CCDC125: variants seen among roughly 807,000 people sequenced by gnomAD.
CCDC125 encodes the protein coiled-coil domain-containing protein 125.
A neutral mutation model predicts 57.4 loss-of-function variants in CCDC125; 43 were observed. The ratio of observed to expected loss-of-function variants is 0.75; its 90% confidence interval spans 0.59 to 0.97. The LOEUF (loss-of-function observed/expected upper bound fraction) is 0.97, where lower values mean the gene tolerates loss of function less well. CCDC125 is among the 50% of genes least tolerant of loss of function. CCDC125 has a pLI of 0.00. For missense variants in CCDC125, 563 were observed against 595.7 expected (o/e 0.95, Z 0.57); for synonymous variants, 187 against 195.2 (o/e 0.96, Z 0.35).
At chr5:69,279,862 A>T (rs1561386959), downstream of CCDC125, among the ~76,000 whole-genome samples, 1 of 152,170 alleles carries the variant, frequency 6.6e-6, no homozygotes, top group African/African-American at 2.4e-5. Flanking sequence ...TCAGTAATTT[A>T]TAAAGGAAAG....
chr5:69,307,771 T>G (rs1393372227), intron 5 of CCDC125, 180 bp downstream of exon 5: 8 of 572,084 alleles, frequency 1.4e-5, no homozygotes, highest in Non-Finnish European at 2.5e-5. Flanking sequence ...TAACCTGAAT[T>G]CATTGTGCAC....
chr5:69,274,719 G>A, the CCDC125 span, among the ~76,000 whole-genome samples: 4 of 152,024 alleles, frequency 2.6e-5, no homozygotes, highest in Admixed American at 1.3e-4. Flanking sequence ...AGGTACAAGC[G>A]ATTCTCCTGT....
chr5:69,303,812 G>T, intron 7 of CCDC125, 35 bp downstream of exon 7: 1 of 1,157,978 alleles, frequency 8.6e-7, no homozygotes, highest in South Asian at 1.3e-5. Flanking sequence ...TATCTTTATT[G>T]ATACATGTGC....
At chr5:69,313,562 A>T in intron 3 of CCDC125, 1 of 750,638 alleles carries the variant, frequency 1.3e-6, no homozygotes, top group Non-Finnish European at 2.5e-6. Context: ...TCAGTGGCCC[A>T]GAAGATAAAC....
At position 69,282,637 on chromosome 5, in the gene CCDC125, C is replaced by T. The variant is rs182054536; in HGVS notation, c.*92G>A. On this transcript the variant is annotated 3_prime_UTR_variant, in exon 12 of 12. Transcript: ENST00000396496. ...AATTTAGAAATACCTAGGAAACATACAACTTCTCAAGATGCAGCAAAATTT... is the reference window on the plus strand; with the variant it reads ...AATTTAGAAATACCTAGGAAACATATAACTTCTCAAGATGCAGCAAAATTT... 781 of 1,062,404 alleles carry T rather than the reference C, an allele frequency of 7.4e-4. 4 individuals carry two copies. In the African/African-American group the frequency reaches 0.011, roughly 15 times the overall value. 65.8% of individuals were successfully genotyped at this position (1,062,404 alleles called of 1,614,324 possible).
rs779071850 is a variant in CCDC125 at position 69,282,995 on chromosome 5, CTT to C, written c.1268_1269del (p.Lys423SerfsTer2). On this transcript the variant is annotated frameshift_variant, in exon 12 of 12. Coordinates refer to ENST00000396496, the MANE Select transcript of CCDC125 (RefSeq NM_176816.5). LOFTEE classifies it low-confidence loss of function (END_TRUNC). ...DKEEALAHQR[K>X]VSYMLARALE... ...AATGCCCGAGCAAGCATGTAGCTAACTTTTCTTTGATGAGCCAAAGCTTCTTC... is the reference window on the plus strand; with the variant it reads ...AATGCCCGAGCAAGCATGTAGCTAACTTCTTTGATGAGCCAAAGCTTCTTC... 1.9e-6 allele frequency: 3 copies of C among 1,605,972 alleles called. No homozygotes were observed. Among genetic ancestry groups the C allele is most frequent in the African/African-American group, 2.7e-5 (2 of 74,442 alleles).
intron 1 of CCDC125, among the ~76,000 whole-genome samples, chr5:69,329,740 T>A (rs1009236597): frequency 6.6e-6 from 1 of 151,060 alleles, no homozygotes; most frequent in Admixed American, 6.6e-5. Context: ...TGACCTCAGA[T>A]GATCCACCTG....
chr5:69,294,969 G>T, intron 8 of CCDC125, 69 bp from the exon 9 acceptor site: 1 of 1,317,858 alleles, frequency 7.6e-7, no homozygotes, highest in Non-Finnish European at 1.1e-6. Flanking sequence ...AAACACAGGG[G>T]CATTTACACA....
chr5:69,322,618 C>A (rs929488763), intron 1 of CCDC125, among the ~76,000 whole-genome samples: 1 of 151,670 alleles, frequency 6.6e-6, no homozygotes, highest in African/African-American at 2.4e-5. Flanking sequence ...GCTGGAGTGC[C>A]GTGGCGCAAT....
chr5:69,307,781 C>T, intron 5 of CCDC125, 170 bp downstream of exon 5: 1 of 593,084 alleles, frequency 1.7e-6, no homozygotes, highest in South Asian at 2.2e-5. Flanking sequence ...TCATTGTGCA[C>T]ATGACAATCT....
chr5:69,308,262 G>A (rs112109699), intron 4 of CCDC125: 5 of 555,090 alleles, frequency 9.0e-6, no homozygotes, highest in South Asian at 6.3e-5. Flanking sequence ...CAAAGAAAGT[G>A]TTCAGAACAG....
At chr5:69,296,839 C>T (rs981933421) in intron 8 of CCDC125, among the ~76,000 whole-genome samples, 1 of 151,662 alleles carries the variant, frequency 6.6e-6, no homozygotes, top group Non-Finnish European at 1.5e-5. Context: ...TGGTGGGTGC[C>T]TGTAATCCCA....
chr5:69,284,836 A>G (rs1405607304), intron 11 of CCDC125, among the ~76,000 whole-genome samples: 1 of 152,206 alleles, frequency 6.6e-6, no homozygotes, highest in Non-Finnish European at 1.5e-5. Context: ...TCACGCCTGT[A>G]ATCCCAGCAC....
chr5:69,307,970 T>A lies in CCDC125; in HGVS notation c.512A>T (p.Gln171Leu), dbSNP rs1373017975. 6.2e-7 allele frequency: 1 copy of A among 1,613,922 alleles called. No homozygotes were observed. Among genetic ancestry groups the A allele is most frequent in the South Asian group, 1.1e-5 (1 of 91,082 alleles). ...AAATACCTTCTCCAAGGATCTGTTTTGTTCCATAGTTTTTTGAAGCACTGC... is the reference window on the plus strand; with the variant it reads ...AAATACCTTCTCCAAGGATCTGTTTAGTTCCATAGTTTTTTGAAGCACTGC... ...TQAVLQKTMEQNRSLEKEINA... is the reference protein window; with the variant it reads ...TQAVLQKTMELNRSLEKEINA... The change falls in exon 5 of 12, where the codon CAA becomes CTA. Residue 171 changes from glutamine to leucine, a missense_variant. Transcript: ENST00000396496.
Position 69,311,178 on chromosome 5 carries a change from A to G in CCDC125, c.393T>C (p.Leu131=). 1 of 1,610,658 alleles carries G rather than the reference A, an allele frequency of 6.2e-7. No individual in the cohort carries two copies. The highest frequency in any genetic ancestry group is 8.5e-7 in the Non-Finnish European group (1 of 1,177,692). The stretch of plus-strand genomic sequence containing the variant: ...CTCTGAGTTGTCTTTGAGATGCCTC[A>G]AGTTCAGTTTTTAACATTTCTACCT... ...LEEVEMLKTE[L]EASQRQLRGK... is the part of the protein sequence containing the mutation. Residue 131 remains leucine, a synonymous_variant, in exon 4 of 12, where the codon CTT becomes CTC. Transcript: ENST00000396496.
chr5:69,328,960 A>C (rs1761068840), intron 1 of CCDC125, among the ~76,000 whole-genome samples: 1 of 126,664 alleles, frequency 7.9e-6, no homozygotes, highest in Non-Finnish European at 1.9e-5. Flanking sequence ...CGCCCGGCTA[A>C]TTTTTTGTAT....
Position 69,303,877 on chromosome 5 carries a change from C to G in CCDC125, c.670G>C (p.Glu224Gln), listed in dbSNP as rs747508839. 2 of 1,607,086 alleles carry G rather than the reference C, an allele frequency of 1.2e-6. No homozygotes were observed. Among genetic ancestry groups the G allele is most frequent in the Non-Finnish European group, 1.7e-6 (2 of 1,176,932 alleles). ...TTGTCAGACTTCAGCATTTTAATTT[C>G]TTCTGTTTTCACTTTCAAATTCTCT... The part of the protein sequence containing the change: ...LKENLKVKTE[E>Q]IKMLKSDNAV... Residue 224 changes from glutamate (E) to glutamine (Q), a missense_variant, in exon 7 of 12, where the codon GAA becomes CAA. Physicochemically the swap from Glu to Gln is conservative, Grantham distance 29. Coordinates refer to ENST00000396496, the MANE Select transcript of CCDC125 (RefSeq NM_176816.5).
At chr5:69,279,049 A>G (rs1409171419), downstream of CCDC125, among the ~76,000 whole-genome samples, 1 of 151,630 alleles carries the variant, frequency 6.6e-6, no homozygotes, top group Non-Finnish European at 1.5e-5. Context: ...AGTAACACAA[A>G]TGTATTAGCT....
chr5:69,294,424 C>T (rs1239422415), intron 9 of CCDC125, among the ~76,000 whole-genome samples: 1 of 152,078 alleles, frequency 6.6e-6, no homozygotes, highest in East Asian at 1.9e-4. Context: ...TCTCCTGCCT[C>T]AGCCTCCCAA....
Sources: gnomAD v4.1 joint callset for allele counts (sites outside exome capture counted in the v4.1 genomes callset) on GRCh38, gnomAD v4.1.1 for gene constraint, MANE v1.5 for transcripts, NCBI Gene and HGNC (gene_info 2026-07-23, HGNC 2026-07-21) for gene names.